Variants in DPYD observed in about 807,000 individuals in gnomAD.
The protein encoded by DPYD is dihydropyrimidine dehydrogenase, also known as dihydropyrimidine dehydrogenase [NADP(+)].
In DPYD, 109 loss-of-function variants were observed where a neutral mutation model predicts 116.2. That is an observed-to-expected ratio of 0.94 (90% CI 0.80 to 1.10). The LOEUF is 1.10. Among genes scored for constraint, DPYD ranks in the 50% least tolerant of loss-of-function variants. The pLI is 0.00. For synonymous variants in DPYD, 440 were observed against 432.0 expected (o/e 1.02, Z -0.23); for missense variants, 1,302 against 1,254.5 (o/e 1.04, Z -0.57).
At chr1:97,735,359 G>A (rs1019038621) in intron 4 of DPYD, among the ~76,000 whole-genome samples, 6 of 151,970 alleles carry the variant, frequency 3.9e-5, no homozygotes, top group Non-Finnish European at 7.4e-5. Context: ...GACAGAATAT[G>A]AAAACGAATA....
At chr1:97,465,618 T>G (rs1449653064) in intron 13 of DPYD, among the ~76,000 whole-genome samples, 2 of 152,204 alleles carry the variant, frequency 1.3e-5, no homozygotes, top group African/African-American at 4.8e-5. Flanking sequence ...CTTTGCCTGC[T>G]GTCATCCACG....
At chr1:97,341,315 A>G (rs994113537) in intron 16 of DPYD, among the ~76,000 whole-genome samples, 11 of 152,150 alleles carry the variant, frequency 7.2e-5, no homozygotes, top group African/African-American at 2.4e-5. Context: ...AATACCTTCA[A>G]TTACATCAAG....
At chr1:97,678,511 G>A (rs953813342) in intron 8 of DPYD, among the ~76,000 whole-genome samples, 2 of 152,142 alleles carry the variant, frequency 1.3e-5, no homozygotes, top group Non-Finnish European at 2.9e-5. Context: ...TGGTCTCTCA[G>A]TAAACACTAA....
intron 8 of DPYD, among the ~76,000 whole-genome samples, chr1:97,661,930 G>A (rs1156286810): frequency 7.1e-6 from 1 of 140,314 alleles, no homozygotes; most frequent in African/African-American, 2.6e-5. Context: ...ATAATATCAA[G>A]TTTTATTTTA....
intron 5 of DPYD, chr1:97,721,054 C>T (rs1188604726): frequency 7.6e-7 from 1 of 1,323,332 alleles, no homozygotes; most frequent in Non-Finnish European, 1.0e-6. Context: ...GGTTAAATAA[C>T]ATTACTTAGT....
At chr1:97,173,367 CATAT>C (rs556653102) in intron 20 of DPYD, among the ~76,000 whole-genome samples, 1 of 104,872 alleles carries the variant, frequency 9.5e-6, no homozygotes, top group East Asian at 3.8e-4. Flanking sequence ...TACATATATA[CATAT>C]ATGTGTGTAT....
intron 3 of DPYD, among the ~76,000 whole-genome samples, chr1:97,783,249 TA>T (rs1666853314): frequency 6.6e-6 from 1 of 152,182 alleles, no homozygotes; most frequent in Non-Finnish European, 1.5e-5. Flanking sequence ...CTACTTAAAG[TA>T]ATACTTTTAT....
intron 3 of DPYD, among the ~76,000 whole-genome samples, chr1:97,819,402 A>G (rs1004707839): frequency 2.6e-5 from 4 of 151,874 alleles, no homozygotes; most frequent in Admixed American, 2.0e-4. Context: ...GTTAAAATAT[A>G]CCCTTATACA....
intron 7 of DPYD, among the ~76,000 whole-genome samples, chr1:97,683,674 C>G (rs751138158): frequency 1.3e-5 from 2 of 151,948 alleles, no homozygotes; most frequent in Non-Finnish European, 2.9e-5. Context: ...AGCTAAGAAG[C>G]CATTTCTCCT....
intron 20 of DPYD, among the ~76,000 whole-genome samples, chr1:97,156,954 C>T (rs1488629544): frequency 1.3e-5 from 2 of 151,714 alleles, no homozygotes; most frequent in Admixed American, 6.6e-5. Context: ...ATGATGAGTT[C>T]ATGTCCTTTG....
At chr1:97,350,805 A>G (rs1670098931) in intron 16 of DPYD, among the ~76,000 whole-genome samples, 1 of 152,182 alleles carries the variant, frequency 6.6e-6, no homozygotes, top group South Asian at 2.1e-4. Flanking sequence ...TAGAAATGCA[A>G]TATGAGATTC....
At chr1:97,828,347 A>G in intron 2 of DPYD, 151 bp from the exon 3 acceptor site, 1 of 676,858 alleles carries the variant, frequency 1.5e-6, no homozygotes, top group Non-Finnish European at 2.6e-6. Context: ...ATTAAAATTG[A>G]CAGTTAAATC....
chr1:97,330,948 C>A lies in DPYD; in HGVS notation c.2059-24651G>T, dbSNP rs571691691. Among the ~76,000 whole-genome samples, 6 of 152,204 alleles carry A rather than the reference C, an allele frequency of 3.9e-5. No homozygotes were observed. In the East Asian group the frequency reaches 7.7e-4, roughly 20 times the overall value. On this transcript the variant is annotated intron_variant, in intron 16 of 22. Coordinates refer to ENST00000370192, the MANE Select transcript of DPYD (RefSeq NM_000110.4). ...TATCTTTGTTGACTGAATATTAATT[C>A]TTGACTAAATATTCATTACTTAGAT...
At chr1:97,518,890 A>C (rs1403935856) in intron 12 of DPYD, among the ~76,000 whole-genome samples, 1 of 152,072 alleles carries the variant, frequency 6.6e-6, no homozygotes, top group Non-Finnish European at 1.5e-5. Context: ...TAATATTATA[A>C]TATTATATGT....
chr1:97,100,360 C>T (rs933739615), intron 20 of DPYD, among the ~76,000 whole-genome samples: 13 of 151,998 alleles, frequency 8.6e-5, no homozygotes, highest in Admixed American at 5.3e-4. Flanking sequence ...GGCGAGCACA[C>T]GTCCACATGA....
At chr1:97,771,677 T>C (rs1310919920) in intron 3 of DPYD, among the ~76,000 whole-genome samples, 1 of 152,202 alleles carries the variant, frequency 6.6e-6, no homozygotes, top group East Asian at 1.9e-4. Flanking sequence ...AAACTAATTA[T>C]ATAACCCATA....
intron 19 of DPYD, among the ~76,000 whole-genome samples, chr1:97,221,925 C>T (rs1317289895): frequency 6.6e-6 from 1 of 152,076 alleles, no homozygotes; most frequent in Non-Finnish European, 1.5e-5. Context: ...CATTACCTCC[C>T]CAAATAACTA....
intron 12 of DPYD, 99 bp from the exon 13 acceptor site, chr1:97,516,040 A>T: frequency 8.6e-7 from 1 of 1,159,412 alleles, no homozygotes. Context: ...CCGAATTAAT[A>T]TAGATTACAA....
intron 2 of DPYD, among the ~76,000 whole-genome samples, chr1:97,844,706 A>G (rs1394293428): frequency 6.6e-6 from 1 of 151,998 alleles, no homozygotes; most frequent in Non-Finnish European, 1.5e-5. Context: ...AGCCCCACAC[A>G]CTTCTGAGTT....
Sources: allele counts gnomAD v4.1 joint callset (sites outside exome capture counted in the v4.1 genomes callset), GRCh38; gene constraint gnomAD v4.1.1; transcripts MANE v1.5; gene names NCBI Gene and HGNC (gene_info 2026-07-23, HGNC 2026-07-21).